NFIB: variants seen among roughly 807,000 people sequenced by gnomAD.
NFIB encodes the protein nuclear factor I B.
In NFIB, 11 loss-of-function variants were observed where a neutral mutation model predicts 61.5. The ratio of observed to expected loss-of-function variants is 0.18; its 90% CI spans 0.11 to 0.30. The LOEUF (loss-of-function observed/expected upper bound fraction) is 0.30, where lower values mean the gene tolerates loss of function less well. Among genes scored for constraint, NFIB ranks in the 10% least tolerant of loss-of-function variants. The probability of loss-of-function intolerance (pLI) is 1.00; values close to 1 mark genes in which losing one functional copy is unlikely to be tolerated. For missense variants in NFIB, 471 were observed against 608.9 expected (o/e 0.77, Z 2.38); for synonymous variants, 260 against 216.5 (o/e 1.20, Z -1.76).
intron 1 of NFIB, among the ~76,000 whole-genome samples, chr9:14,320,308 C>G (rs902617672): frequency 6.6e-5 from 10 of 152,034 alleles, no homozygotes; most frequent in Non-Finnish European, 1.3e-4. Context: ...GAATGCAGTC[C>G]CAACCACCGA....
chr9:14,210,199 C>T (rs1339465262), intron 2 of NFIB, among the ~76,000 whole-genome samples: 1 of 152,056 alleles, frequency 6.6e-6, no homozygotes, highest in African/African-American at 2.4e-5. Context: ...TATTTTGCTT[C>T]CTTTTTAGAA....
chr9:14,279,879 C>A (rs2058256016), intron 2 of NFIB, among the ~76,000 whole-genome samples: 2 of 152,132 alleles, frequency 1.3e-5, no homozygotes, highest in Admixed American at 1.3e-4. Flanking sequence ...TTGCATATTT[C>A]TCATCTAAAA....
At chr9:14,153,608 A>G (rs913086977) in intron 4 of NFIB, among the ~76,000 whole-genome samples, 2 of 152,130 alleles carry the variant, frequency 1.3e-5, no homozygotes, top group Non-Finnish European at 1.5e-5. Flanking sequence ...GATGGAGATA[A>G]TATCATTCAA....
Position 14,321,719 on chromosome 9 carries a change from T to A in NFIB, c.109-14199A>T, listed in dbSNP as rs572291969. Among the ~76,000 whole-genome samples the A allele has an allele frequency of 3.3e-5, 5 of 152,338 alleles. No homozygotes were observed. The South Asian group carries it at 1.0e-3, about 32-fold the overall frequency. Reference sequence around the variant, plus strand: ...CGTCATAAGAGTGTGTCACATGTACTAAAGTTGCCAACGCTAAATAATAAT... The same window carrying A: ...CGTCATAAGAGTGTGTCACATGTACAAAAGTTGCCAACGCTAAATAATAAT... On this transcript the variant is annotated intron_variant, in intron 1 of 8. Transcript: ENST00000380934.
At chr9:14,112,656 C>T (rs997331952) in intron 10 of NFIB, among the ~76,000 whole-genome samples, 1 of 152,148 alleles carries the variant, frequency 6.6e-6, no homozygotes, top group Non-Finnish European at 1.5e-5. Context: ...TTCTAGTTGG[C>T]TTTAAAACAG....
At chr9:14,376,117 C>G (rs1418745736) in intron 1 of NFIB, among the ~76,000 whole-genome samples, 2 of 152,148 alleles carry the variant, frequency 1.3e-5, no homozygotes, top group African/African-American at 4.8e-5. Flanking sequence ...TGGCTATGCA[C>G]AGGCATGACC....
chr9:14,136,191 C>T (rs1489357110), intron 6 of NFIB, among the ~76,000 whole-genome samples: 2 of 152,124 alleles, frequency 1.3e-5, no homozygotes, highest in Non-Finnish European at 2.9e-5. Context: ...AAAAACACTT[C>T]AAAATGCTTT....
At chr9:14,450,108 AT>A in the NFIB span, among the ~76,000 whole-genome samples, 1 of 151,912 alleles carries the variant, frequency 6.6e-6, no homozygotes, top group South Asian at 2.1e-4. Context: ...TCTTAATGCT[AT>A]CCCTCCCCCA....
At chr9:14,373,776 G>A (rs2061386433) in intron 1 of NFIB, among the ~76,000 whole-genome samples, 1 of 151,936 alleles carries the variant, frequency 6.6e-6, no homozygotes, top group Admixed American at 6.6e-5. Context: ...AGGTTTGGGG[G>A]AATCTTATCT....
At chr9:14,164,515 G>C (rs1179862973) in intron 3 of NFIB, among the ~76,000 whole-genome samples, 1 of 152,046 alleles carries the variant, frequency 6.6e-6, no homozygotes, top group African/African-American at 2.4e-5. Context: ...AATCTTATGG[G>C]ACCACTGCCA....
chr9:14,350,815 C>A (rs2061099804), intron 1 of NFIB, among the ~76,000 whole-genome samples: 1 of 152,168 alleles, frequency 6.6e-6, no homozygotes, highest in Admixed American at 6.5e-5. Context: ...AAAGGGCCTC[C>A]CATCTGCTTC....
At chr9:14,275,812 A>G (rs1478410853) in intron 2 of NFIB, among the ~76,000 whole-genome samples, 1 of 152,038 alleles carries the variant, frequency 6.6e-6, no homozygotes, top group Non-Finnish European at 1.5e-5. Context: ...TCACTTCCCT[A>G]TCTCTATTTT....
At chr9:14,339,223 C>G (rs567631635) in intron 1 of NFIB, among the ~76,000 whole-genome samples, 7 of 152,180 alleles carry the variant, frequency 4.6e-5, no homozygotes, top group African/African-American at 1.4e-4. Context: ...CACTTGGAAC[C>G]CTGTCTGACC....
the NFIB span, among the ~76,000 whole-genome samples, chr9:14,442,554 A>C: frequency 6.6e-6 from 1 of 152,188 alleles, no homozygotes; most frequent in East Asian, 1.9e-4. Flanking sequence ...GTTCCTTCTG[A>C]GGGCTGGGAG....
chr9:14,141,051 T>G (rs2041644290), intron 6 of NFIB, among the ~76,000 whole-genome samples: 1 of 152,216 alleles, frequency 6.6e-6, no homozygotes, highest in African/African-American at 2.4e-5. Flanking sequence ...TAGCCCCCAG[T>G]GTTCCCTTGG....
At chr9:14,525,140 C>T in the NFIB span, among the ~76,000 whole-genome samples, 1 of 152,176 alleles carries the variant, frequency 6.6e-6, no homozygotes, top group Admixed American at 6.5e-5. Context: ...AGTTCTCAGA[C>T]ACAGCTCTGG....
At position 14,319,603 on chromosome 9, in the gene NFIB, G is replaced by C. The variant is rs574592685; in HGVS notation, c.109-12083C>G. 2.0e-5 allele frequency among the ~76,000 whole-genome samples: 3 copies of C among 152,224 alleles called. 1 individual carries two copies. The South Asian group carries it at 6.2e-4, about 32-fold the overall frequency. The stretch of plus-strand genomic sequence containing the variant: ...CTATATGACCATTTTATTTCTACAG[G>C]TAAACTGGCTTCTATTACCCATATA... On this transcript the variant is annotated intron_variant, in intron 1 of 8. Transcript: ENST00000380934.
the NFIB span, among the ~76,000 whole-genome samples, chr9:14,504,253 G>C: frequency 5.9e-5 from 9 of 152,152 alleles, no homozygotes; most frequent in African/African-American, 2.2e-4. Context: ...TTTGAAGTCA[G>C]GTAATGTGAT....
intron 2 of NFIB, among the ~76,000 whole-genome samples, chr9:14,217,719 G>A (rs1277448169): frequency 6.8e-6 from 1 of 146,122 alleles, no homozygotes; most frequent in African/African-American, 2.5e-5. Flanking sequence ...ATATTATTTT[G>A]GAAGACTCAT....
Sources: allele counts gnomAD v4.1 joint callset (sites outside exome capture counted in the v4.1 genomes callset), GRCh38; gene constraint gnomAD v4.1.1; transcripts MANE v1.5; gene names NCBI Gene and HGNC (gene_info 2026-07-23, HGNC 2026-07-21).